TNKS: variants seen among roughly 807,000 people sequenced by gnomAD.
TNKS encodes the protein tankyrase.
In TNKS, 72 loss-of-function variants were observed where a neutral mutation model predicts 135.8. That is an observed-to-expected ratio of 0.53 (90% CI 0.44 to 0.64). The LOEUF is 0.64. Among genes scored for constraint, TNKS ranks in the 30% least tolerant of loss-of-function variants. The pLI is 0.00. For synonymous variants in TNKS, 849 were observed against 649.3 expected, an observed-to-expected ratio of 1.31 and a Z score of -4.68; for missense variants, 1,769 against 1,674.0, an observed-to-expected ratio of 1.06 and a Z score of -0.99.
At chr8:9,567,351 G>A (rs1171250668) in intron 1 of TNKS, among the ~76,000 whole-genome samples, 1 of 152,220 alleles carries the variant, frequency 6.6e-6, no homozygotes, top group Non-Finnish European at 1.5e-5. Context: ...GTGATTGGAA[G>A]TAATCTTTGA....
chr8:9,582,250 A>G (rs750481551), intron 2 of TNKS, among the ~76,000 whole-genome samples: 2 of 151,666 alleles, frequency 1.3e-5, no homozygotes, highest in Non-Finnish European at 2.9e-5. Flanking sequence ...GAATTCTGAG[A>G]TTTTTCTCTG....
intron 20 of TNKS, among the ~76,000 whole-genome samples, chr8:9,757,317 GC>G (rs1365345353): frequency 2.0e-5 from 3 of 152,110 alleles, no homozygotes; most frequent in Admixed American, 1.3e-4. Context: ...GATAGATAAG[GC>G]CCTTTAAGAT....
chr8:9,700,495 C>G (rs146347462), intron 5 of TNKS, among the ~76,000 whole-genome samples: 5 of 152,148 alleles, frequency 3.3e-5, no homozygotes, highest in Admixed American at 6.5e-5. Context: ...TAGTGCCATA[C>G]GTGTAAGTCT....
chr8:9,677,206 T>G (rs80266347), intron 3 of TNKS, among the ~76,000 whole-genome samples: 12,523 of 152,260 alleles, frequency 0.082, 809 homozygotes, highest in East Asian at 0.22. Flanking sequence ...AAAAGCTGAT[T>G]AAAGTACTAG....
At chr8:9,753,179 G>C (rs555429855) in intron 20 of TNKS, among the ~76,000 whole-genome samples, 64 of 152,166 alleles carry the variant, frequency 4.2e-4, no homozygotes, top group African/African-American at 1.4e-3. Context: ...TCAAAACTTA[G>C]ACCATGCAAC....
intron 3 of TNKS, among the ~76,000 whole-genome samples, chr8:9,660,810 G>T (rs545949593): frequency 6.6e-6 from 1 of 152,296 alleles, no homozygotes; most frequent in East Asian, 1.9e-4. Context: ...CCTGTTTGCA[G>T]ATGACATGAT....
intron 5 of TNKS, among the ~76,000 whole-genome samples, chr8:9,696,681 G>T (rs557520590): frequency 1.4e-4 from 22 of 152,244 alleles, no homozygotes; most frequent in East Asian, 1.4e-3. Flanking sequence ...GTCAAATCAA[G>T]ATCTCAATCC....
At chr8:9,587,269 T>C (rs1798417371) in intron 2 of TNKS, among the ~76,000 whole-genome samples, 1 of 152,040 alleles carries the variant, frequency 6.6e-6, no homozygotes, top group Admixed American at 6.5e-5. Flanking sequence ...CCACCATTGG[T>C]GGCTTTGAAA....
At chr8:9,569,585 A>T (rs909661806) in intron 1 of TNKS, among the ~76,000 whole-genome samples, 2 of 152,080 alleles carry the variant, frequency 1.3e-5, no homozygotes, top group Non-Finnish European at 2.9e-5. Flanking sequence ...TCTACTGTTG[A>T]GTATTTGGGT....
intron 15 of TNKS, 22 bp from the exon 16 acceptor site, chr8:9,734,843 A>G (rs1035887157): frequency 1.9e-6 from 3 of 1,597,538 alleles, no homozygotes; most frequent in African/African-American, 2.7e-5. Context: ...TACAAACCCC[A>G]TTTGGTTTTT....
intron 1 of TNKS, among the ~76,000 whole-genome samples, chr8:9,567,664 G>A (rs182813879): frequency 3.0e-4 from 45 of 152,268 alleles, no homozygotes; most frequent in African/African-American, 7.9e-4. Flanking sequence ...TGATCTGCCC[G>A]CCTTGGCCTC....
At chr8:9,668,795 G>A (rs1038085687) in intron 3 of TNKS, among the ~76,000 whole-genome samples, 2 of 152,186 alleles carry the variant, frequency 1.3e-5, no homozygotes, top group African/African-American at 4.8e-5. Flanking sequence ...GTGATGTAGA[G>A]TTGATAGTGT....
chr8:9,709,914 T>G (rs753828496), intron 9 of TNKS, 41 bp from the exon 10 acceptor site: 1 of 1,482,770 alleles, frequency 6.7e-7, no homozygotes, highest in East Asian at 2.3e-5. Flanking sequence ...ACTGTACATA[T>G]GGAAGTGTAT....
Position 9,621,330 on chromosome 8 carries a change from G to A in TNKS, c.994+5653G>A, listed in dbSNP as rs149202098. 2.5e-3 allele frequency among the ~76,000 whole-genome samples: 365 copies of A among 147,998 alleles called. 2 individuals are homozygous for A. The highest frequency in any genetic ancestry group is 8.6e-3 in the African/African-American group (345 of 40,082). On this transcript the variant is annotated intron_variant, in intron 3 of 26. Transcript: ENST00000310430. ...TGCTTTTTTTTTTTTTTGAGACGGA[G>A]TTTCACTCTTGTTGCCCAGGCTGGA...
intron 3 of TNKS, among the ~76,000 whole-genome samples, chr8:9,642,006 C>G (rs1251990788): frequency 6.8e-6 from 1 of 146,252 alleles, no homozygotes; most frequent in African/African-American, 2.5e-5. Context: ...TTTTGCACTT[C>G]TGAACTACAA....
chr8:9,746,927 G>C (rs1220141356), intron 17 of TNKS, among the ~76,000 whole-genome samples: 3 of 134,366 alleles, frequency 2.2e-5, no homozygotes, highest in African/African-American at 5.9e-5. Context: ...CTGGTAACCA[G>C]GCTGCGGTGC....
chr8:9,654,802 T>C (rs894711418), intron 3 of TNKS, among the ~76,000 whole-genome samples: 2 of 152,212 alleles, frequency 1.3e-5, no homozygotes, highest in Admixed American at 6.5e-5. Context: ...ATCTCCAGTC[T>C]ACAGCTCCCA....
At chr8:9,597,666 G>A (rs1196146965) in intron 2 of TNKS, among the ~76,000 whole-genome samples, 1 of 152,168 alleles carries the variant, frequency 6.6e-6, no homozygotes, top group African/African-American at 2.4e-5. Flanking sequence ...AATATTAAGT[G>A]TATGAAATAA....
chr8:9,763,432 C>T (rs1807255629), intron 22 of TNKS, among the ~76,000 whole-genome samples, 188 bp downstream of exon 22: 1 of 152,012 alleles, frequency 6.6e-6, no homozygotes, highest in African/African-American at 2.4e-5. Context: ...ACATCATAAG[C>T]CTAGGTTTTC....
Sources: gnomAD v4.1 joint callset for allele counts (sites outside exome capture counted in the v4.1 genomes callset) on GRCh38, gnomAD v4.1.1 for gene constraint, MANE v1.5 for transcripts, NCBI Gene and HGNC (gene_info 2026-07-23, HGNC 2026-07-21) for gene names.